The following SGCZ variants were observed in gnomAD, a reference collection of about 807,000 sequenced individuals.
The protein encoded by SGCZ is zeta-sarcoglycan.
Under a neutral mutation model 41.3 loss-of-function variants are expected in SGCZ, and 40 were observed. The observed-to-expected ratio is 0.97, with a 90% confidence interval of 0.75 to 1.26. The LOEUF is 1.26. SGCZ is among the 50% of genes most tolerant of loss of function. The pLI is 0.00. For missense variants in SGCZ, 552 were observed against 369.8 expected, an observed-to-expected ratio of 1.49 and a Z score of -4.04; for synonymous variants, 206 against 137.5, an observed-to-expected ratio of 1.50 and a Z score of -3.49.
rs938085489 is a variant in SGCZ at position 14,897,062 on chromosome 8, G to A, written c.39+340523C>T. Among the ~76,000 whole-genome samples the A allele has an allele frequency of 2.6e-4, 39 of 152,084 alleles. 1 individual carries two copies. The highest frequency in any genetic ancestry group is 1.8e-3 in the Admixed American group (28 of 15,264). ...CTCCCAAAGTGATGGGATTACAGGC[G>A]TGAGCCACCGTGCCTGGCCCTGGCT... On this transcript the variant is annotated intron_variant, in intron 1 of 7. Transcript: ENST00000382080.
chr8:14,514,773 A>T (rs1213565789), intron 2 of SGCZ, among the ~76,000 whole-genome samples: 1 of 94,232 alleles, frequency 1.1e-5, no homozygotes, highest in African/African-American at 4.7e-5. Flanking sequence ...ATTTATATAC[A>T]TATATGTAAA....
chr8:15,074,902 G>C (rs149761853), intron 1 of SGCZ, among the ~76,000 whole-genome samples: 1 of 152,248 alleles, frequency 6.6e-6, no homozygotes, highest in Non-Finnish European at 1.5e-5. Context: ...GAGTACCTGT[G>C]TATCTCTGTA....
At chr8:14,248,072 G>C (rs1488624515) in intron 3 of SGCZ, among the ~76,000 whole-genome samples, 8 of 152,166 alleles carry the variant, frequency 5.3e-5, no homozygotes, top group Non-Finnish European at 8.8e-5. Context: ...AATGGAATTA[G>C]ATATTTTAAA....
chr8:14,507,849 G>A (rs1398817092), intron 2 of SGCZ, among the ~76,000 whole-genome samples: 4 of 148,810 alleles, frequency 2.7e-5, no homozygotes, highest in Admixed American at 6.7e-5. Context: ...TCAGCTTACC[G>A]CAATCTCTGC....
chr8:14,790,768 C>T (rs530874628), intron 1 of SGCZ, among the ~76,000 whole-genome samples: 24 of 152,028 alleles, frequency 1.6e-4, no homozygotes, highest in Non-Finnish European at 2.5e-4. Context: ...CGTTGGCTAT[C>T]GCCTATAATC....
intron 2 of SGCZ, among the ~76,000 whole-genome samples, chr8:14,482,938 G>T (rs1260611940): frequency 2.0e-5 from 3 of 151,900 alleles, no homozygotes; most frequent in South Asian, 2.1e-4. Flanking sequence ...GACTTTTCAG[G>T]TTCCCTAACT....
chr8:14,968,994 C>T (rs2130861797), intron 1 of SGCZ, among the ~76,000 whole-genome samples: 1 of 152,054 alleles, frequency 6.6e-6, no homozygotes, highest in East Asian at 1.9e-4. Context: ...TCAGTATCAG[C>T]CTTATGAGAA....
intron 1 of SGCZ, among the ~76,000 whole-genome samples, chr8:15,174,675 C>T (rs553313489): frequency 2.0e-5 from 3 of 152,254 alleles, no homozygotes; most frequent in South Asian, 2.1e-4. Flanking sequence ...AGTGTATAAA[C>T]GATCCAATTT....
chr8:14,813,260 C>T (rs1198087670), intron 1 of SGCZ, among the ~76,000 whole-genome samples: 6 of 152,092 alleles, frequency 3.9e-5, no homozygotes, highest in Non-Finnish European at 8.8e-5. Flanking sequence ...TACAGGAATA[C>T]ATGTACATTG....
At chr8:14,497,238 G>T (rs1292473196) in intron 2 of SGCZ, among the ~76,000 whole-genome samples, 1 of 152,156 alleles carries the variant, frequency 6.6e-6, no homozygotes, top group African/African-American at 2.4e-5. Flanking sequence ...CAGGGAGCAT[G>T]GCAACGACAT....
At chr8:14,988,173 C>G (rs1801890372) in intron 1 of SGCZ, among the ~76,000 whole-genome samples, 1 of 151,746 alleles carries the variant, frequency 6.6e-6, no homozygotes, top group Non-Finnish European at 1.5e-5. Context: ...AATACAGTAT[C>G]TGTGATATCC....
At chr8:15,070,199 C>T (rs1187254654) in intron 1 of SGCZ, among the ~76,000 whole-genome samples, 3 of 152,196 alleles carry the variant, frequency 2.0e-5, no homozygotes, top group Non-Finnish European at 4.4e-5. Context: ...CTCTGATCAT[C>T]ATAATTAGAA....
intron 1 of SGCZ, among the ~76,000 whole-genome samples, chr8:14,627,105 T>G (rs191098314): frequency 6.6e-6 from 1 of 152,262 alleles, no homozygotes; most frequent in Non-Finnish European, 1.5e-5. Context: ...AAATAACTGA[T>G]TTACATTATG....
rs1256443743 is a variant in SGCZ at position 14,089,661 on chromosome 8, T to G, written c.*782A>C. Among the ~76,000 whole-genome samples, 1 of 152,020 alleles carries G rather than the reference T, an allele frequency of 6.6e-6. No individual in the cohort carries two copies. The highest frequency in any genetic ancestry group is 2.4e-5 in the African/African-American group (1 of 41,426). On this transcript the variant is annotated 3_prime_UTR_variant, in exon 8 of 8. Coordinates refer to ENST00000382080, the MANE Select transcript of SGCZ (RefSeq NM_139167.4). ...TATTGCAATAGAGTAGATGTTTTGT[T>G]AAAAGCAAATACGTCACATGCAGTA...
intron 5 of SGCZ, chr8:14,162,445 G>A (rs1280660987): frequency 6.6e-6 from 1 of 152,080 alleles, no homozygotes; most frequent in African/African-American, 2.4e-5. Context: ...CTACCCTAAG[G>A]AACCTCACTT....
intron 1 of SGCZ, among the ~76,000 whole-genome samples, chr8:14,777,333 C>T (rs1369880379): frequency 6.6e-6 from 1 of 151,946 alleles, no homozygotes. Flanking sequence ...ATATTAACGA[C>T]ATTTAATTTG....
chr8:15,213,482 G>A (rs1452004386), intron 1 of SGCZ, among the ~76,000 whole-genome samples: 1 of 151,182 alleles, frequency 6.6e-6, no homozygotes. Context: ...TTCTAGTATA[G>A]GCTTTTTAGT....
chr8:14,506,151 C>T (rs571079314), intron 2 of SGCZ, among the ~76,000 whole-genome samples: 1 of 152,018 alleles, frequency 6.6e-6, no homozygotes, highest in African/African-American at 2.4e-5. Context: ...GCCTGGCAAG[C>T]ATGATGAAAC....
chr8:14,877,115 A>G (rs1804391243), intron 1 of SGCZ, among the ~76,000 whole-genome samples: 1 of 152,154 alleles, frequency 6.6e-6, no homozygotes, highest in African/African-American at 2.4e-5. Context: ...CTGGGACTAC[A>G]GGTGCGCACT....
Sources: allele counts gnomAD v4.1 joint callset (sites outside exome capture counted in the v4.1 genomes callset), GRCh38; gene constraint gnomAD v4.1.1; transcripts MANE v1.5; gene names NCBI Gene and HGNC (gene_info 2026-07-23, HGNC 2026-07-21).